RIMS1: variants seen among roughly 807,000 people sequenced by gnomAD.
RIMS1 encodes the protein regulating synaptic membrane exocytosis protein 1.
In RIMS1, 83 loss-of-function variants were observed where a neutral mutation model predicts 214.1. The observed-to-expected ratio is 0.39, with a 90% confidence interval of 0.32 to 0.47. The LOEUF (loss-of-function observed/expected upper bound fraction) is 0.47, where lower values mean the gene tolerates loss of function less well. Among genes scored for constraint, RIMS1 ranks in the 20% least tolerant of loss-of-function variants. The pLI, the probability that RIMS1 is intolerant of heterozygous loss-of-function variation, is 0.99. For missense variants in RIMS1, 2,050 were observed against 2,161.8 expected, an observed-to-expected ratio of 0.95 and a Z score of 1.03; for synonymous variants, 793 against 786.8, an observed-to-expected ratio of 1.01 and a Z score of -0.13.
intron 2 of RIMS1, among the ~76,000 whole-genome samples, chr6:72,067,721 T>A (rs968972435): frequency 6.6e-6 from 1 of 152,216 alleles, no homozygotes; most frequent in Non-Finnish European, 1.5e-5. Context: ...AGATTTGCAA[T>A]ATAGATTTGT....
intron 16 of RIMS1, among the ~76,000 whole-genome samples, chr6:72,257,086 T>G (rs572645608): frequency 6.6e-6 from 1 of 152,206 alleles, no homozygotes; most frequent in African/African-American, 2.4e-5. Context: ...TCATAACATA[T>G]TTTTGAGATA....
intron 19 of RIMS1, chr6:72,263,966 C>G: frequency 2.1e-6 from 1 of 475,806 alleles, no homozygotes; most frequent in Non-Finnish European, 2.7e-6. Context: ...GCACTCCAGC[C>G]TAGATAACAA....
chr6:72,375,709 G>A (rs2098355806), intron 29 of RIMS1, among the ~76,000 whole-genome samples: 1 of 152,110 alleles, frequency 6.6e-6, no homozygotes, highest in Admixed American at 6.5e-5. Context: ...GAGGGAGTGG[G>A]GCAAGGTTTG....
intron 1 of RIMS1, among the ~76,000 whole-genome samples, chr6:71,922,852 T>C (rs139037132): frequency 1.8e-4 from 27 of 152,334 alleles, no homozygotes; most frequent in African/African-American, 6.0e-4. Context: ...TCATCTTATT[T>C]TCTCAGCAGT....
In RIMS1 at chr6:72,401,758, G is replaced by A. The variant is rs1162294901; in HGVS notation, c.*1044G>A. On this transcript the variant is annotated 3_prime_UTR_variant, in exon 34 of 34. Coordinates refer to ENST00000521978, the MANE Select transcript of RIMS1 (RefSeq NM_014989.7). ...GCCCAGGCTTCTCAGCCATACCTCAGTGTAGACACATCCATCTGCCCTGGA... is the reference window on the plus strand; with the variant it reads ...GCCCAGGCTTCTCAGCCATACCTCAATGTAGACACATCCATCTGCCCTGGA... The A allele has an allele frequency of 1.3e-5, 2 of 152,760 alleles. No individual in the cohort carries two copies. Among genetic ancestry groups the A allele is most frequent in the African/African-American group, 4.8e-5 (2 of 41,594 alleles). The allele number at this position is 152,760 out of a possible 1,614,324, so 9.5% of individuals were successfully genotyped here. A position where few individuals can be genotyped will look rare whatever the true frequency, so the allele number is the denominator to read the frequency against.
intron 2 of RIMS1, among the ~76,000 whole-genome samples, chr6:72,058,632 T>G (rs1047075086): frequency 1.3e-5 from 2 of 152,186 alleles, no homozygotes; most frequent in Non-Finnish European, 2.9e-5. Flanking sequence ...TTGGGTTCTC[T>G]CCTAGGTTCT....
rs183702262 is a variant in RIMS1, at chr6:72,362,801, A to T, written c.4367-27797A>T. Among the ~76,000 whole-genome samples the T allele has an allele frequency of 9.2e-5, 14 of 152,288 alleles. No individual in the cohort carries two copies. In the East Asian group the frequency reaches 2.5e-3, roughly 27 times the overall value. On this transcript the variant is annotated intron_variant, in intron 29 of 33. Coordinates refer to ENST00000521978, the MANE Select transcript of RIMS1 (RefSeq NM_014989.7). The stretch of plus-strand genomic sequence containing the variant: ...ATTTTCCCTATAGTTCAGTTGTTCA[A>T]TTCCATGTGTTCTGGGAGTTGTAGC...
intron 1 of RIMS1, among the ~76,000 whole-genome samples, chr6:71,891,212 G>T (rs976307662): frequency 6.6e-6 from 1 of 152,184 alleles, no homozygotes; most frequent in Non-Finnish European, 1.5e-5. Flanking sequence ...GTTTGTATCC[G>T]AGTGTTTTTA....
chr6:72,220,420 A>C (rs1308059522), intron 6 of RIMS1, among the ~76,000 whole-genome samples: 1 of 152,096 alleles, frequency 6.6e-6, no homozygotes, highest in East Asian at 1.9e-4. Context: ...TGGACCATGT[A>C]AAAGGACTTG....
intron 28 of RIMS1, among the ~76,000 whole-genome samples, chr6:72,330,929 C>T (rs1370817320): frequency 6.6e-6 from 1 of 151,412 alleles, no homozygotes; most frequent in Non-Finnish European, 1.5e-5. Context: ...TGCTTTTAAG[C>T]ATCTGGACAT....
intron 2 of RIMS1, among the ~76,000 whole-genome samples, chr6:72,003,785 G>A (rs1443515029): frequency 6.6e-6 from 1 of 151,816 alleles, no homozygotes; most frequent in South Asian, 2.1e-4. Flanking sequence ...CACAGTGGTC[G>A]TTCTTTTTCT....
At chr6:72,165,218 C>A (rs2046088123) in intron 4 of RIMS1, among the ~76,000 whole-genome samples, 3 of 152,246 alleles carry the variant, frequency 2.0e-5, no homozygotes, top group Admixed American at 6.5e-5. Flanking sequence ...TCTTACTGAT[C>A]TTATATTCTG....
At chr6:72,217,174 T>G (rs1458222691) in intron 6 of RIMS1, 1 of 1,536,794 alleles carries the variant, frequency 6.5e-7, no homozygotes, top group Non-Finnish European at 8.7e-7. Flanking sequence ...AGTTAACCAC[T>G]CCGATGCTGC....
Position 72,235,049 on chromosome 6 carries a change from G to A in RIMS1, c.1747-569G>A, listed in dbSNP as rs184646440. ...TAATGATTTCTAAGTTACTCTGCCA[G>A]TTGTTCCTATTCTCTTTTATTTTAT... On this transcript the variant is annotated intron_variant, in intron 7 of 33. Transcript: ENST00000521978. 4.0e-4 allele frequency among the ~76,000 whole-genome samples: 61 copies of A among 152,038 alleles called. No homozygotes were observed. The East Asian group carries it at 5.0e-3, about 13-fold the overall frequency.
At chr6:72,238,869 G>A (rs575401251) in intron 9 of RIMS1, among the ~76,000 whole-genome samples, 1 of 151,916 alleles carries the variant, frequency 6.6e-6, no homozygotes, top group Non-Finnish European at 1.5e-5. Flanking sequence ...AGACTTTTCA[G>A]TATATTTGTT....
intron 29 of RIMS1, among the ~76,000 whole-genome samples, chr6:72,384,638 T>C (rs2098553338): frequency 6.6e-6 from 1 of 152,188 alleles, no homozygotes; most frequent in South Asian, 2.1e-4. Context: ...TATTCCAAGC[T>C]CCATTCTCTT....
chr6:72,004,118 T>C (rs542628602), intron 2 of RIMS1, among the ~76,000 whole-genome samples: 143 of 148,780 alleles, frequency 9.6e-4, no homozygotes, highest in African/African-American at 3.3e-3. Context: ...GAACATGAGG[T>C]GTTTGGTTTT....
At chr6:72,058,623 T>C (rs1302733692) in intron 2 of RIMS1, among the ~76,000 whole-genome samples, 1 of 152,238 alleles carries the variant, frequency 6.6e-6, no homozygotes, top group Non-Finnish European at 1.5e-5. Flanking sequence ...CTTCCTGCTT[T>C]GGGTTCTCTC....
intron 6 of RIMS1, among the ~76,000 whole-genome samples, chr6:72,202,349 T>C (rs1483705079): frequency 6.6e-6 from 1 of 152,198 alleles, no homozygotes; most frequent in Non-Finnish European, 1.5e-5. Context: ...GAAGGATCTG[T>C]TCCAGGCCTT....
Sources: allele counts gnomAD v4.1 joint callset (sites outside exome capture counted in the v4.1 genomes callset), GRCh38; gene constraint gnomAD v4.1.1; transcripts MANE v1.5; gene names NCBI Gene and HGNC (gene_info 2026-07-23, HGNC 2026-07-21).